The following XDH variants were observed in gnomAD, a reference collection of about 807,000 sequenced individuals.
The protein encoded by XDH is xanthine dehydrogenase, also known as xanthine dehydrogenase/oxidase.
A neutral mutation model predicts 156.1 loss-of-function variants in XDH; 138 were observed. The observed-to-expected ratio is 0.88, with a 90% confidence interval of 0.77 to 1.02. The LOEUF (loss-of-function observed/expected upper bound fraction) is 1.02. XDH is among the 50% of genes least tolerant of loss of function. The probability of loss-of-function intolerance (pLI) is 0.00; values close to 1 mark genes in which losing one functional copy is unlikely to be tolerated. For synonymous variants in XDH, 669 were observed against 625.7 expected, an observed-to-expected ratio of 1.07 and a Z score of -1.03; for missense variants, 1,849 against 1,684.9, an observed-to-expected ratio of 1.10 and a Z score of -1.71.
chr2:31,348,368 G>A lies in XDH; in HGVS notation c.3052-5C>T. On this transcript the variant is annotated splice_region_variant and splice_polypyrimidine_tract_variant and intron_variant, in intron 27 of 35. Transcript: ENST00000379416. ...CACATGAAGTAGGGCTCCTGCCTAG[G>A]GAAAGAGAAGGATGCCAGACACAAA... is the stretch of plus-strand genomic sequence containing the variant. 2.5e-6 allele frequency: 4 copies of A among 1,613,758 alleles called. No individual in the cohort carries two copies. The highest frequency in any genetic ancestry group is 1.6e-4 in the Middle Eastern group (1 of 6,062).
chr2:31,378,145 A>AGGAG (rs1686319057), intron 13 of XDH, among the ~76,000 whole-genome samples: 1 of 111,518 alleles, frequency 9.0e-6, no homozygotes, highest in Non-Finnish European at 2.0e-5. Context: ...GAAGGAAGGA[A>AGGAG]GGAAGGAAGG....
chr2:31,386,400 TC>T lies in XDH; in HGVS notation c.793+13del. 6.2e-7 allele frequency: 1 copy of T among 1,611,570 alleles called. No homozygotes were observed. Among genetic ancestry groups the T allele is most frequent in the Non-Finnish European group, 8.5e-7 (1 of 1,179,964 alleles). Reference sequence around the variant, plus strand: ...ACCCCCTGGCAGCCCCAGGGCAGCCTCCCTGGCCCTTACCAATCTCCGTGTT... The same window carrying T: ...ACCCCCTGGCAGCCCCAGGGCAGCCTCCTGGCCCTTACCAATCTCCGTGTT... On this transcript the variant is annotated intron_variant, in intron 9 of 35. Coordinates refer to ENST00000379416, the MANE Select transcript of XDH (RefSeq NM_000379.4).
chr2:31,337,617 G>T lies in XDH; in HGVS notation c.3951+24C>A, dbSNP rs567054722. 1.4e-5 allele frequency: 22 copies of T among 1,613,540 alleles called. No individual in the cohort carries two copies. In the South Asian group the frequency reaches 2.1e-4, roughly 15 times the overall value. ...CTATCCCTGGCCTCCCCTGGACTGAGTGGATGCTTGAGGGGCATCATACCA... is the reference window on the plus strand; with the variant it reads ...CTATCCCTGGCCTCCCCTGGACTGATTGGATGCTTGAGGGGCATCATACCA... On this transcript the variant is annotated intron_variant, in intron 35 of 35. Transcript: ENST00000379416.
At position 31,382,928 on chromosome 2, in the gene XDH, G is replaced by A. The variant is rs906025787; in HGVS notation, c.1038+73C>T. ...TTGAGGCCCACTGCACTGACACAGTGAGAGTCTGGCTGCCCTGCTTTCAGA... is the reference window on the plus strand; with the variant it reads ...TTGAGGCCCACTGCACTGACACAGTAAGAGTCTGGCTGCCCTGCTTTCAGA... On this transcript the variant is annotated intron_variant, in intron 11 of 35. Coordinates refer to ENST00000379416, the MANE Select transcript of XDH (RefSeq NM_000379.4). The A allele has an allele frequency of 2.2e-5, 35 of 1,606,838 alleles. 1 individual carries two copies. The highest frequency in any genetic ancestry group is 2.9e-5 in the Non-Finnish European group (34 of 1,176,336).
intron 29 of XDH, 83 bp from the exon 30 acceptor site, chr2:31,346,926 G>A: frequency 1.3e-6 from 2 of 1,575,366 alleles, no homozygotes; most frequent in Non-Finnish European, 1.7e-6. Context: ...CCCCAGCAAG[G>A]CTACCTCCAA....
At chr2:31,340,265 G>A (rs921392270) in intron 33 of XDH, among the ~76,000 whole-genome samples, 2 of 152,230 alleles carry the variant, frequency 1.3e-5, no homozygotes, top group Non-Finnish European at 2.9e-5. Context: ...CTTTGGGTCT[G>A]CAGTACTGGC....
intron 9 of XDH, 122 bp downstream of exon 9, chr2:31,386,292 A>G: frequency 7.5e-7 from 1 of 1,334,954 alleles, no homozygotes; most frequent in Non-Finnish European, 1.0e-6. Context: ...CCAGGTAGTC[A>G]GTGGGGCAGA....
chr2:31,372,793 T>C (rs1230316789), intron 16 of XDH, among the ~76,000 whole-genome samples: 2 of 152,136 alleles, frequency 1.3e-5, no homozygotes, highest in African/African-American at 4.8e-5. Context: ...AATTCAATTA[T>C]GTAGGAAAAG....
At chr2:31,340,368 T>C (rs1427111580) in intron 33 of XDH, among the ~76,000 whole-genome samples, 1 of 152,248 alleles carries the variant, frequency 6.6e-6, no homozygotes. Flanking sequence ...TACTCAGTAG[T>C]TGTCCATTTT....
At chr2:31,364,020 G>A (rs926678359) in intron 24 of XDH, 138 bp downstream of exon 24, 21 of 737,950 alleles carry the variant, frequency 2.8e-5, no homozygotes, top group Non-Finnish European at 3.8e-5. Context: ...ATCGAGGATG[G>A]GAAACCTGAA....
At position 31,337,187 on chromosome 2, in the gene XDH, A is replaced by G. The variant is rs150293700; in HGVS notation, c.3951+454T>C. Among the ~76,000 whole-genome samples the G allele has an allele frequency of 4.3e-3, 651 of 152,264 alleles. 3 individuals carry two copies. The highest frequency in any genetic ancestry group is 0.014 in the African/African-American group (597 of 41,540). ...TGTGTCCCCAGTATCAGAATGGCAC[A>G]TGATCATCACAGGACAAATGTGGTT... is the stretch of plus-strand genomic sequence containing the variant. On this transcript the variant is annotated intron_variant, in intron 35 of 35. Transcript: ENST00000379416.
At chr2:31,341,232 C>T in intron 33 of XDH, 97 bp downstream of exon 33, 2 of 1,244,140 alleles carry the variant, frequency 1.6e-6, no homozygotes, top group South Asian at 2.6e-5. Context: ...TGTTTGAAGA[C>T]AACCTTGGAC....
At chr2:31,387,981 C>A in intron 7 of XDH, 84 bp from the exon 8 acceptor site, 5 of 1,439,260 alleles carry the variant, frequency 3.5e-6, no homozygotes, top group Non-Finnish European at 3.8e-6. Context: ...TTCCTTCCAG[C>A]AAGCTCATTC....
chr2:31,363,076 C>G (rs1023503521), intron 24 of XDH, among the ~76,000 whole-genome samples: 11 of 152,200 alleles, frequency 7.2e-5, no homozygotes, highest in Non-Finnish European at 1.6e-4. Context: ...CTTTGGGAGG[C>G]TGAGGAGGGC....
chr2:31,400,161 G>C (rs971777293), intron 4 of XDH, among the ~76,000 whole-genome samples: 7 of 151,570 alleles, frequency 4.6e-5, no homozygotes, highest in Non-Finnish European at 7.4e-5. Context: ...GGAGGCTCCA[G>C]CTCCATCGCC....
chr2:31,412,262 C>A (rs1687361236), intron 1 of XDH, among the ~76,000 whole-genome samples: 1 of 152,212 alleles, frequency 6.6e-6, no homozygotes, highest in South Asian at 2.1e-4. Flanking sequence ...AGGCTCATCA[C>A]CACCACAGAA....
rs372611408 is a variant in XDH at position 31,365,959 on chromosome 2, C to G, written c.2456+17G>C. The G allele has an allele frequency of 1.5e-5, 25 of 1,614,050 alleles. No individual in the cohort carries two copies. Among genetic ancestry groups the G allele is most frequent in the Non-Finnish European group, 2.0e-5 (24 of 1,180,026 alleles). ...TCTTCCCAGAGCCAGATGGGAGAAACAGGCTTTGGAACTCACTTATATGCA... is the reference window on the plus strand; with the variant it reads ...TCTTCCCAGAGCCAGATGGGAGAAAGAGGCTTTGGAACTCACTTATATGCA... On this transcript the variant is annotated intron_variant, in intron 22 of 35. Transcript: ENST00000379416.
Position 31,401,700 on chromosome 2 carries a change from G to A in XDH, c.198-372C>T, listed in dbSNP as rs112657838. On this transcript the variant is annotated intron_variant, in intron 3 of 35. Transcript: ENST00000379416. Reference sequence around the variant, plus strand: ...GGCTGCAGCCTTAAAGCATGCTCCTGCCTGCAGGGCTGTTCCTTAGCTTCC... The same window carrying A: ...GGCTGCAGCCTTAAAGCATGCTCCTACCTGCAGGGCTGTTCCTTAGCTTCC... Among the ~76,000 whole-genome samples the A allele has an allele frequency of 6.4e-3, 982 of 152,326 alleles. 11 individuals carry two copies. The highest frequency in any genetic ancestry group is 0.022 in the African/African-American group (911 of 41,566).
At chr2:31,352,414 T>C (rs1405136200) in intron 24 of XDH, among the ~76,000 whole-genome samples, 1 of 152,202 alleles carries the variant, frequency 6.6e-6, no homozygotes, top group East Asian at 1.9e-4. Flanking sequence ...TCCCACAAGT[T>C]GCTTTATGTG....
Sources: gnomAD v4.1 joint callset for allele counts (sites outside exome capture counted in the v4.1 genomes callset) on GRCh38, gnomAD v4.1.1 for gene constraint, MANE v1.5 for transcripts, NCBI Gene and HGNC (gene_info 2026-07-23, HGNC 2026-07-21) for gene names.